LYN: variants seen among roughly 807,000 people sequenced by gnomAD.
LYN encodes the protein tyrosine-protein kinase Lyn.
Under a neutral mutation model 65.0 loss-of-function variants are expected in LYN, and 12 were observed. The observed-to-expected ratio is 0.18, with a 90% CI of 0.12 to 0.30. LYN has a LOEUF of 0.30. LYN is among the 10% of genes least tolerant of loss of function. The pLI is 1.00. For synonymous variants in LYN, 222 were observed against 221.2 expected (o/e 1.00, Z -0.03); for missense variants, 380 against 623.2 (o/e 0.61, Z 4.16).
chr8:55,884,539 T>TC (rs1804737442), intron 1 of LYN, among the ~76,000 whole-genome samples: 1 of 152,122 alleles, frequency 6.6e-6, no homozygotes, highest in Non-Finnish European at 1.5e-5. Flanking sequence ...TCACTGCACC[T>TC]CCATCTCCTG....
intron 1 of LYN, among the ~76,000 whole-genome samples, chr8:55,885,953 G>A (rs752787468): frequency 3.2e-4 from 49 of 152,206 alleles, no homozygotes; most frequent in Non-Finnish European, 6.2e-4. Flanking sequence ...CCTTAAGTGA[G>A]GGGTGGGGCG....
Position 55,969,917 on chromosome 8 carries a change from T to G in LYN, c.1050+124T>G. The G allele has an allele frequency of 5.0e-6, 4 of 798,556 alleles. No individual in the cohort carries two copies. In the South Asian group the frequency reaches 5.7e-5, roughly 11 times the overall value. 49.5% of individuals were successfully genotyped at this position (798,556 alleles called of 1,614,324 possible). A position where few individuals can be genotyped will look rare whatever the true frequency, so the allele number is the denominator to read the frequency against. ...GTTGAATGTTTCCCAGCAGCAGTTA[T>G]GAGAAAAAGACCTTCCACAATACAA... is the stretch of plus-strand genomic sequence containing the variant. On this transcript the variant is annotated intron_variant, in intron 10 of 12. Coordinates refer to ENST00000519728, the MANE Select transcript of LYN (RefSeq NM_002350.4).
intron 1 of LYN, chr8:55,940,301 C>T (rs958554250): frequency 2.6e-5 from 4 of 152,236 alleles, no homozygotes; most frequent in African/African-American, 9.6e-5. Context: ...GAAGAGTTTC[C>T]CGGACAGTGT....
chr8:55,963,672 G>A (rs1256030700), intron 8 of LYN, among the ~76,000 whole-genome samples: 2 of 152,148 alleles, frequency 1.3e-5, no homozygotes, highest in Non-Finnish European at 2.9e-5. Flanking sequence ...TAATAAGATT[G>A]AGTACTTTTC....
chr8:55,963,173 AT>A (rs1351770553), intron 8 of LYN, among the ~76,000 whole-genome samples: 1 of 152,156 alleles, frequency 6.6e-6, no homozygotes, highest in Non-Finnish European at 1.5e-5. Context: ...TGCGCTGCAC[AT>A]TTTTGTGCCT....
In LYN at chr8:55,947,672, A is replaced by C. The variant is rs144428385; in HGVS notation, c.233A>C (p.His78Pro). The C allele has an allele frequency of 6.2e-6, 10 of 1,614,074 alleles. No homozygotes were observed. The highest frequency in any genetic ancestry group is 8.5e-6 in the Non-Finnish European group (10 of 1,179,938). Residue 78 changes from histidine (H) to proline (P), a missense_variant, in exon 4 of 13, where the codon CAC (histidine) becomes CCC (proline). This residue lies in a region of LYN where 157 missense variants were observed against 193.2 expected (regional missense o/e 0.81). Coordinates refer to ENST00000519728, the MANE Select transcript of LYN (RefSeq NM_002350.4). ...VVALYPYDGI[H>P]PDDLSFKKGE... ...GCCTTGTACCCCTATGATGGCATCC[A>C]CCCGGACGACTTGTCTTTCAAGAAA...
At chr8:56,007,609 C>T (rs764954608) in intron 12 of LYN, among the ~76,000 whole-genome samples, 2 of 152,084 alleles carry the variant, frequency 1.3e-5, no homozygotes, top group Non-Finnish European at 2.9e-5. Flanking sequence ...CTTCTTTCAG[C>T]GGTTTAAATT....
At chr8:55,905,922 T>C (rs776811005) in intron 1 of LYN, among the ~76,000 whole-genome samples, 4 of 152,212 alleles carry the variant, frequency 2.6e-5, no homozygotes, top group Admixed American at 6.5e-5. Flanking sequence ...TCATCTTGAC[T>C]TCTGGAAAGA....
chr8:56,004,163 C>T (rs1435744219), intron 12 of LYN, among the ~76,000 whole-genome samples: 1 of 151,744 alleles, frequency 6.6e-6, no homozygotes, highest in Non-Finnish European at 1.5e-5. Flanking sequence ...AACTCCCGAC[C>T]TCAGGTGATC....
chr8:55,930,052 T>C (rs771992766), intron 1 of LYN, among the ~76,000 whole-genome samples: 5 of 152,294 alleles, frequency 3.3e-5, no homozygotes, highest in Non-Finnish European at 7.4e-5. Context: ...ACTGCACATG[T>C]GAGGGATCTA....
chr8:55,995,090 C>T (rs540416052), intron 10 of LYN, among the ~76,000 whole-genome samples: 151 of 152,244 alleles, frequency 9.9e-4, no homozygotes, highest in African/African-American at 1.4e-3. Flanking sequence ...CTCTCCCAGC[C>T]GCCACCAAAA....
At chr8:55,997,565 T>G (rs1438045280) in intron 10 of LYN, among the ~76,000 whole-genome samples, 3 of 152,020 alleles carry the variant, frequency 2.0e-5, no homozygotes, top group African/African-American at 7.3e-5. Context: ...TCGTGAGGGC[T>G]CCACCGTCCT....
At chr8:55,942,266 TATATATATATACACACAC>T (rs1806631929) in intron 2 of LYN, among the ~76,000 whole-genome samples, 1 of 149,558 alleles carries the variant, frequency 6.7e-6, no homozygotes, top group African/African-American at 2.5e-5. Flanking sequence ...AAGACCCCAC[TATATATATATACACACAC>T]ATATATATGT....
intron 10 of LYN, among the ~76,000 whole-genome samples, chr8:55,997,411 G>A (rs911394006): frequency 6.6e-6 from 1 of 152,172 alleles, no homozygotes; most frequent in African/African-American, 2.4e-5. Flanking sequence ...CCACAGTTTA[G>A]GGGCAAGGAA....
At chr8:55,994,911 G>T (rs570911800) in intron 10 of LYN, among the ~76,000 whole-genome samples, 5 of 152,128 alleles carry the variant, frequency 3.3e-5, no homozygotes, top group African/African-American at 1.2e-4. Flanking sequence ...GCCAGGCATC[G>T]TGGTTCTATC....
At chr8:55,985,026 C>CGCAGGGG (rs1333249476) in intron 10 of LYN, among the ~76,000 whole-genome samples, 1 of 152,178 alleles carries the variant, frequency 6.6e-6, no homozygotes, top group African/African-American at 2.4e-5. Context: ...CTGAATAAGC[C>CGCAGGGG]GCAGGGGTCC....
rs1585554156 is a variant in LYN at position 55,879,843 on chromosome 8, T to C, written c.-266T>C. 1.1e-5 allele frequency: 2 copies of C among 182,922 alleles called. No homozygotes were observed. Among genetic ancestry groups the C allele is most frequent in the Non-Finnish European group, 2.3e-5 (2 of 87,452 alleles). The allele number at this position is 182,922 out of a possible 1,614,324, so 11.3% of individuals were successfully genotyped here. A position where few individuals can be genotyped will look rare whatever the true frequency, so the allele number is the denominator to read the frequency against. ...CGAGCCCAGAGACAGCCAGTTCCTC[T>C]CCCGCCGCGCCGGGCCGCGCTGCCG... On this transcript the variant is annotated 5_prime_UTR_variant, in exon 1 of 13. Coordinates refer to ENST00000519728, the MANE Select transcript of LYN (RefSeq NM_002350.4).
chr8:55,985,013 G>A (rs1370002233), intron 10 of LYN, among the ~76,000 whole-genome samples: 1 of 152,214 alleles, frequency 6.6e-6, no homozygotes, highest in African/African-American at 2.4e-5. Context: ...AAGGACTAGG[G>A]CCCTGAATAA....
intron 10 of LYN, among the ~76,000 whole-genome samples, chr8:55,978,998 G>GA (rs1421334217): frequency 5.4e-5 from 8 of 148,692 alleles, no homozygotes; most frequent in Non-Finnish European, 5.9e-5. Context: ...CCTCACTCTT[G>GA]AAAAAAATGT....
Sources: gnomAD v4.1 joint callset for allele counts (sites outside exome capture counted in the v4.1 genomes callset) on GRCh38, gnomAD v4.1.1 for gene constraint, gnomAD v4.1.1 regional missense constraint, MANE v1.5 for transcripts, NCBI Gene and HGNC (gene_info 2026-07-23, HGNC 2026-07-21) for gene names.